ZNF589: variants seen among roughly 807,000 people sequenced by gnomAD.
ZNF589 encodes the protein KRAB-zinc finger protein SZF1-1.
ZNF589 carries 17 observed loss-of-function variants against 13.6 expected under a neutral mutation model. The ratio of observed to expected loss-of-function variants is 1.25; its 90% CI spans 0.86 to 1.88. ZNF589 has a LOEUF of 1.88. Ranked by LOEUF, ZNF589 falls within the 40% of genes most tolerant of loss-of-function variation. ZNF589 has a pLI of 0.00. For missense variants in ZNF589, 407 were observed against 434.0 expected (o/e 0.94, Z 0.55); for synonymous variants, 148 against 161.6 (o/e 0.92, Z 0.64).
chr3:48,245,401 C>T (rs112717926), intron 1 of ZNF589, among the ~76,000 whole-genome samples: 3 of 152,232 alleles, frequency 2.0e-5, no homozygotes, highest in Non-Finnish European at 2.9e-5. Context: ...CATGAGGCAC[C>T]GTGCAGAGCC....
chr3:48,241,756 T>G (rs150751569), intron 1 of ZNF589, among the ~76,000 whole-genome samples: 4,424 of 152,146 alleles, frequency 0.029, 91 homozygotes, highest in Middle Eastern at 0.048. Flanking sequence ...GGTTTTGAAC[T>G]CCAGACCTCG....
chr3:48,251,569 A>G (rs1173433968), intron 2 of ZNF589, among the ~76,000 whole-genome samples: 1 of 151,778 alleles, frequency 6.6e-6, no homozygotes, highest in Admixed American at 6.6e-5. Flanking sequence ...CAAAAAAAAA[A>G]AGAAACTGTT....
chr3:48,269,192 G>A lies in ZNF589; in HGVS notation c.*406G>A, dbSNP rs978904720. ...GATACACTCTGGGGAGAAGCCTTAT[G>A]CATGCACGGAGTGTGGGCAAGGCTT... On this transcript the variant is annotated 3_prime_UTR_variant, in exon 4 of 4. Transcript: ENST00000354698. 2 of 1,162,726 alleles carry A rather than the reference G, an allele frequency of 1.7e-6. No homozygotes were observed. Among genetic ancestry groups the A allele is most frequent in the East Asian group, 2.6e-5 (1 of 38,740 alleles). The allele number at this position is 1,162,726 out of a possible 1,614,324, so 72.0% of individuals were successfully genotyped here. A position where few individuals can be genotyped will look rare whatever the true frequency, so the allele number is the denominator to read the frequency against.
chr3:48,268,724 T>C lies in ZNF589; in HGVS notation c.1033T>C (p.Ser345Pro). 1 of 1,614,128 alleles carries C rather than the reference T, an allele frequency of 6.2e-7. No individual in the cohort carries two copies. The highest frequency in any genetic ancestry group is 1.1e-5 in the South Asian group (1 of 91,076). ...GTGTGGGCGAGGCTTTCGTGAAAAG[T>C]CAGAGCTCATTAAGCACCAGAGAAT... ...TVCGRGFREK[S>P]ELIKHQRIHT... Residue 345 changes from serine to proline, a missense_variant, in exon 4 of 4, where the codon TCA (serine) becomes CCA (proline). By Grantham distance (74) the Ser-to-Pro change is moderately conservative (BLOSUM62 -1). Coordinates refer to ENST00000354698, the MANE Select transcript of ZNF589 (RefSeq NM_016089.3).
chr3:48,257,586 A>T (rs749108178), intron 2 of ZNF589, among the ~76,000 whole-genome samples: 97 of 151,592 alleles, frequency 6.4e-4, no homozygotes, highest in Non-Finnish European at 1.1e-3. Flanking sequence ...CTGGTTTATT[A>T]TTATTTTTTT....
At position 48,269,194 on chromosome 3, in the gene ZNF589, A is replaced by G; in HGVS notation, c.*408A>G. 1 of 1,138,502 alleles carries G rather than the reference A, an allele frequency of 8.8e-7. No individual in the cohort carries two copies. The highest frequency in any genetic ancestry group is 2.9e-5 in the East Asian group (1 of 34,696). The allele number at this position is 1,138,502 out of a possible 1,614,324, so 70.5% of individuals were successfully genotyped here. A position where few individuals can be genotyped will look rare whatever the true frequency, so the allele number is the denominator to read the frequency against. On this transcript the variant is annotated 3_prime_UTR_variant, in exon 4 of 4. Transcript: ENST00000354698. ...TACACTCTGGGGAGAAGCCTTATGCATGCACGGAGTGTGGGCAAGGCTTTA... is the reference window on the plus strand; with the variant it reads ...TACACTCTGGGGAGAAGCCTTATGCGTGCACGGAGTGTGGGCAAGGCTTTA...
chr3:48,247,136 AATTTTTTT>A (rs2033775865), intron 1 of ZNF589, among the ~76,000 whole-genome samples: 1 of 151,418 alleles, frequency 6.6e-6, no homozygotes, highest in African/African-American at 2.4e-5. Flanking sequence ...ATGCCTGGCT[AATTTTTTT>A]ATTTTTAGTG....
intron 3 of ZNF589, among the ~76,000 whole-genome samples, chr3:48,262,996 C>T (rs954603008): frequency 5.9e-5 from 9 of 152,234 alleles, no homozygotes; most frequent in Non-Finnish European, 1.2e-4. Context: ...TTGTAGCTAT[C>T]ATGTCCACAA....
chr3:48,250,772 C>T (rs1017316389), intron 2 of ZNF589, among the ~76,000 whole-genome samples: 3 of 150,956 alleles, frequency 2.0e-5, no homozygotes, highest in African/African-American at 7.3e-5. Context: ...ACACCTGCCC[C>T]GTCTTTTGTC....
rs2034078912 is a variant in ZNF589, at chr3:48,270,531, A to G, written c.*1745A>G. 6 of 336,310 alleles carry G rather than the reference A, an allele frequency of 1.8e-5. No homozygotes were observed. The highest frequency in any genetic ancestry group is 1.5e-4 in the South Asian group (6 of 40,738). The allele number at this position is 336,310 out of a possible 1,614,324, so 20.8% of individuals were successfully genotyped here. Reference sequence around the variant, plus strand: ...TGTCTCTCCTCACACTCCAGGGCCCATATGGCCCAGGTTCTGACAGTTTGC... The same window carrying G: ...TGTCTCTCCTCACACTCCAGGGCCCGTATGGCCCAGGTTCTGACAGTTTGC... On this transcript the variant is annotated 3_prime_UTR_variant, in exon 4 of 4. Coordinates refer to ENST00000354698, the MANE Select transcript of ZNF589 (RefSeq NM_016089.3).
At chr3:48,252,368 T>C (rs2033847641) in intron 2 of ZNF589, among the ~76,000 whole-genome samples, 1 of 151,858 alleles carries the variant, frequency 6.6e-6, no homozygotes, top group African/African-American at 2.4e-5. Context: ...ATTTTTTGTA[T>C]TTTTAGTAGA....
intron 1 of ZNF589, among the ~76,000 whole-genome samples, chr3:48,246,982 A>G (rs2033774186): frequency 6.7e-6 from 1 of 150,026 alleles, no homozygotes; most frequent in Non-Finnish European, 1.5e-5. Flanking sequence ...ATTTTCATAA[A>G]CTATTTTCGA....
chr3:48,252,617 C>CTTTTTTT (rs71625863), intron 2 of ZNF589, among the ~76,000 whole-genome samples: 2 of 97,286 alleles, frequency 2.1e-5, no homozygotes, highest in Non-Finnish European at 4.2e-5. Flanking sequence ...AGAATAATAT[C>CTTTTTTT]TTTTTTTTTT....
At position 48,268,283 on chromosome 3, in the gene ZNF589, G is replaced by A; in HGVS notation, c.592G>A (p.Glu198Lys). ...CAGTCCAGCCCAGAATGCAAGCTCT[G>A]AGGAAGTAGACAGAATTTCCAAGAG... ...QLSPAQNASS[E>K]EVDRISKRAE... The change falls in exon 4 of 4, where the codon GAG becomes AAG. Residue 198 changes from glutamate to lysine, a missense_variant. By Grantham distance (56) the Glu-to-Lys change is moderately conservative (BLOSUM62 1). Transcript: ENST00000354698. 4 of 1,612,560 alleles carry A rather than the reference G, an allele frequency of 2.5e-6. No homozygotes were observed. The highest frequency in any genetic ancestry group is 3.4e-6 in the Non-Finnish European group (4 of 1,178,956).
At position 48,269,672 on chromosome 3, in the gene ZNF589, A is replaced by G. The variant is rs1376694183; in HGVS notation, c.*886A>G. On this transcript the variant is annotated 3_prime_UTR_variant, in exon 4 of 4. Transcript: ENST00000354698. The stretch of plus-strand genomic sequence containing the variant: ...GTCACAGCTCATCATACACCAGAAG[A>G]TACACTCGGGGAAAAGCTTTAGAGG... The G allele has an allele frequency of 1.2e-5, 4 of 339,416 alleles. No homozygotes were observed. Among genetic ancestry groups the G allele is most frequent in the South Asian group, 9.9e-5 (4 of 40,468 alleles). 21.0% of individuals were successfully genotyped at this position (339,416 alleles called of 1,614,324 possible).
At chr3:48,255,798 G>T (rs553694360) in intron 2 of ZNF589, among the ~76,000 whole-genome samples, 1 of 151,708 alleles carries the variant, frequency 6.6e-6, no homozygotes, top group Admixed American at 6.6e-5. Context: ...CAGAGACGGG[G>T]TCTTGCCATG....
chr3:48,241,294 A>G, intron 1 of ZNF589, 80 bp downstream of exon 1: 1 of 1,553,320 alleles, frequency 6.4e-7, no homozygotes, highest in South Asian at 1.2e-5. Flanking sequence ...CGTATCCACC[A>G]GGGATGCGCG....
At chr3:48,253,753 C>A (rs552138244) in intron 2 of ZNF589, among the ~76,000 whole-genome samples, 1 of 151,670 alleles carries the variant, frequency 6.6e-6, no homozygotes, top group Non-Finnish European at 1.5e-5. Flanking sequence ...CCACCCACCT[C>A]GGCCTCCCAA....
Position 48,247,625 on chromosome 3 carries a change from C to G in ZNF589, c.44C>G (p.Ala15Gly), listed in dbSNP as rs1171976035. ...REQLLGWTAE[A>G]LPAKDSAWPW... is the part of the protein sequence containing the mutation. ...CAAGGTTGCTTCTTTCTTTCCCCAGCTCTGCCTGCCAAGGATTCTGCCTGG... is the reference window on the plus strand; with the variant it reads ...CAAGGTTGCTTCTTTCTTTCCCCAGGTCTGCCTGCCAAGGATTCTGCCTGG... Residue 15 changes from alanine (A) to glycine (G), a missense_variant and splice_region_variant, in exon 2 of 4, where the codon GCT becomes GGT. Transcript: ENST00000354698. 3.1e-6 allele frequency: 5 copies of G among 1,612,028 alleles called. No individual in the cohort carries two copies. The highest frequency in any genetic ancestry group is 4.2e-6 in the Non-Finnish European group (5 of 1,179,054).
Sources: allele counts gnomAD v4.1 joint callset (sites outside exome capture counted in the v4.1 genomes callset), GRCh38; gene constraint gnomAD v4.1.1; transcripts MANE v1.5; gene names NCBI Gene and HGNC (gene_info 2026-07-23, HGNC 2026-07-21).